SEL1L3: variants seen among roughly 807,000 people sequenced by gnomAD.
SEL1L3 encodes the protein SEL1L family member 3.
Under a neutral mutation model 142.8 loss-of-function variants are expected in SEL1L3, and 76 were observed. The ratio of observed to expected loss-of-function variants is 0.53; its 90% CI spans 0.44 to 0.64. The LOEUF is 0.64. SEL1L3 is among the 30% of genes least tolerant of loss of function. SEL1L3 has a pLI of 0.00. For synonymous variants in SEL1L3, 504 were observed against 519.6 expected (o/e 0.97, Z 0.41); for missense variants, 1,262 against 1,381.7 (o/e 0.91, Z 1.37).
At chr4:25,809,584 C>T (rs1235695321) in intron 9 of SEL1L3, among the ~76,000 whole-genome samples, 1 of 152,162 alleles carries the variant, frequency 6.6e-6, no homozygotes, top group Non-Finnish European at 1.5e-5. Context: ...GCTCCTGACC[C>T]CGTATAAACT....
chr4:25,716,819 A>G, the SEL1L3 span, among the ~76,000 whole-genome samples: 20 of 152,126 alleles, frequency 1.3e-4, no homozygotes, highest in Admixed American at 5.9e-4. Flanking sequence ...AGTACAATGG[A>G]ATTAGAAACA....
At chr4:25,754,351 CT>C (rs34663888) in intron 23 of SEL1L3, among the ~76,000 whole-genome samples, 53,752 of 142,576 alleles carry the variant, frequency 0.38, 11,210 homozygotes, top group East Asian at 0.62. Flanking sequence ...TTATTGACAA[CT>C]TTTTTTTTTT....
intron 18 of SEL1L3, 25 bp from the exon 19 acceptor site, chr4:25,767,634 T>C: frequency 6.5e-7 from 1 of 1,535,846 alleles, no homozygotes; most frequent in Non-Finnish European, 8.9e-7. Flanking sequence ...GAAGAAAAAG[T>C]TAATTCATTA....
chr4:25,819,436 G>A (rs1024466990), intron 8 of SEL1L3, among the ~76,000 whole-genome samples: 2 of 152,170 alleles, frequency 1.3e-5, no homozygotes, highest in South Asian at 2.1e-4. Context: ...GTGCACTGAT[G>A]GGGAAACATT....
At position 25,788,773 on chromosome 4, in the gene SEL1L3, T is replaced by C. The variant is rs780511996; in HGVS notation, c.2077-409A>G. ...TCTGTATCATTAGGGCATCCTTCTA[T>C]AGCACTGATCTCTCATCTTATCATT... is the stretch of plus-strand genomic sequence containing the variant. On this transcript the variant is annotated intron_variant, in intron 12 of 23. Coordinates refer to ENST00000399878, the MANE Select transcript of SEL1L3 (RefSeq NM_015187.5). This position sits in a 1 kb window ranked among gnomAD's most constrained non-coding sequence, Gnocchi z 5.3. Among the ~76,000 whole-genome samples, 2 of 152,154 alleles carry C rather than the reference T, an allele frequency of 1.3e-5. No individual in the cohort carries two copies. Among genetic ancestry groups the C allele is most frequent in the Non-Finnish European group, 2.9e-5 (2 of 68,032 alleles).
chr4:25,834,273 A>G (rs1715636843), intron 3 of SEL1L3, among the ~76,000 whole-genome samples: 5 of 152,234 alleles, frequency 3.3e-5, no homozygotes, highest in Admixed American at 3.3e-4. Flanking sequence ...TAGCCAAGAT[A>G]TGTGATCCAT....
chr4:25,803,086 T>C (rs1165370798), intron 10 of SEL1L3, among the ~76,000 whole-genome samples: 2 of 152,210 alleles, frequency 1.3e-5, no homozygotes, highest in African/African-American at 4.8e-5. Context: ...AGTGACATCA[T>C]CGATGGACAC....
At chr4:25,813,444 C>A (rs537323304) in intron 9 of SEL1L3, among the ~76,000 whole-genome samples, 1 of 152,210 alleles carries the variant, frequency 6.6e-6, no homozygotes, top group Admixed American at 6.5e-5. Context: ...GTGAAATAAG[C>A]CAGTCACCAA....
At chr4:25,829,831 G>A (rs1013851587) in intron 6 of SEL1L3, among the ~76,000 whole-genome samples, 1 of 152,060 alleles carries the variant, frequency 6.6e-6, no homozygotes, top group Non-Finnish European at 1.5e-5. Flanking sequence ...GAACTATAAA[G>A]TGCCATGAAA....
In SEL1L3 at chr4:25,779,147, G is replaced by A; in HGVS notation, c.2514C>T (p.Thr838=). 2 of 1,613,584 alleles carry A rather than the reference G, an allele frequency of 1.2e-6. No individual in the cohort carries two copies. Among genetic ancestry groups the A allele is most frequent in the Non-Finnish European group, 1.7e-6 (2 of 1,179,600 alleles). ...TGATATAGTAGAGAGAACACCACAA[G>A]GTCCCTTCCATGTGTCCACCTTGCG... ...KAAQGGHMEG[T]LWCSLYYITG... is the part of the protein sequence containing the mutation. The change falls in exon 16 of 24, where the codon ACC becomes ACT. Residue 838 remains threonine, a synonymous_variant. Coordinates refer to ENST00000399878, the MANE Select transcript of SEL1L3 (RefSeq NM_015187.5).
chr4:25,738,184 C>G, the SEL1L3 span, among the ~76,000 whole-genome samples: 2 of 152,182 alleles, frequency 1.3e-5, no homozygotes, highest in African/African-American at 2.4e-5. Context: ...CCACCACACC[C>G]AGCTTGCAAT....
chr4:25,823,667 C>T (rs116494098), intron 6 of SEL1L3, among the ~76,000 whole-genome samples: 1,784 of 152,076 alleles, frequency 0.012, 40 homozygotes, highest in African/African-American at 0.041. Flanking sequence ...AGACAGGTAT[C>T]AAGTGAGAGG....
At chr4:25,863,495 T>A, upstream of SEL1L3, 1 of 702,852 alleles carries the variant, frequency 1.4e-6, no homozygotes, top group Admixed American at 2.0e-5. Context: ...CTGGTTGCTT[T>A]TTTGGCCGGG....
At chr4:25,845,978 C>G (rs971955087) in intron 2 of SEL1L3, among the ~76,000 whole-genome samples, 18 of 152,166 alleles carry the variant, frequency 1.2e-4, no homozygotes, top group Non-Finnish European at 2.1e-4. Context: ...CCTTCCCCCA[C>G]CCCCGCAGAT....
At chr4:25,756,305 C>G (rs1717954657) in intron 23 of SEL1L3, 1 of 985,162 alleles carries the variant, frequency 1.0e-6, no homozygotes, top group Admixed American at 6.2e-5. Flanking sequence ...GTGTGAGTAC[C>G]TACTATGCAT....
intron 5 of SEL1L3, among the ~76,000 whole-genome samples, chr4:25,831,510 A>AATAATAATAATAATT (rs1439018406): frequency 1.6e-5 from 2 of 122,600 alleles, no homozygotes; most frequent in Non-Finnish European, 3.7e-5. Context: ...TAATAATAAT[A>AATAATAATAATAATT]ATTATTATTA....
chr4:25,765,187 T>C (rs1374982946), intron 20 of SEL1L3, 139 bp downstream of exon 20: 4 of 630,374 alleles, frequency 6.3e-6, no homozygotes, highest in Admixed American at 2.8e-5. Context: ...AGAGATGGGG[T>C]TTCGCCATGT....
intron 23 of SEL1L3, among the ~76,000 whole-genome samples, chr4:25,755,549 G>GT (rs1476719669): frequency 6.6e-6 from 1 of 152,132 alleles, no homozygotes. Context: ...CAAGCAGGAA[G>GT]TAGGTATGTG....
In SEL1L3 at chr4:25,757,752, C is replaced by A. The variant is rs1420534178; in HGVS notation, c.3122G>T (p.Cys1041Phe). Residue 1041 changes from cysteine to phenylalanine, a missense_variant, in exon 22 of 24, where the codon TGC becomes TTC. This residue lies in a region of SEL1L3 where 138 missense variants were observed against 129.7 expected (regional missense o/e 1.06). Coordinates refer to ENST00000399878, the MANE Select transcript of SEL1L3 (RefSeq NM_015187.5). ...SHSNEESFSP[C>F]SLAWLYLHLR... ...GTGCAGGTAAAGCCAGGCCAAGGAGCAGGGGCTGAAGGACTCCTCGTTACT... is the reference window on the plus strand; with the variant it reads ...GTGCAGGTAAAGCCAGGCCAAGGAGAAGGGGCTGAAGGACTCCTCGTTACT... The A allele has an allele frequency of 6.3e-7, 1 of 1,595,590 alleles. No individual in the cohort carries two copies. Among genetic ancestry groups the A allele is most frequent in the Non-Finnish European group, 8.5e-7 (1 of 1,171,416 alleles).
Sources: allele counts gnomAD v4.1 joint callset (sites outside exome capture counted in the v4.1 genomes callset), GRCh38; gene constraint gnomAD v4.1.1; regional missense constraint gnomAD v4.1.1; non-coding constraint Gnocchi (gnomAD v3.1); transcripts MANE v1.5; gene names NCBI Gene and HGNC (gene_info 2026-07-23, HGNC 2026-07-21).